The following TULP4 variants were observed in gnomAD, a reference collection of about 807,000 sequenced individuals.
The protein encoded by TULP4 is TUB like protein 4.
Under a neutral mutation model 129.0 loss-of-function variants are expected in TULP4, and 16 were observed. The ratio of observed to expected loss-of-function variants is 0.12; its 90% CI spans 0.08 to 0.19. TULP4 has a LOEUF of 0.19. TULP4 is among the 10% of genes least tolerant of loss of function. The pLI is 1.00. For missense variants in TULP4, 1,842 were observed against 2,059.1 expected (o/e 0.89, Z 2.04); for synonymous variants, 998 against 854.0 (o/e 1.17, Z -2.94).
chr6:158,387,197 C>T (rs753599495), intron 1 of TULP4, among the ~76,000 whole-genome samples: 4 of 152,070 alleles, frequency 2.6e-5, no homozygotes, highest in African/African-American at 4.8e-5. Context: ...TTAAAGCTCT[C>T]AATACAAGCT....
In TULP4 at chr6:158,498,710, A is replaced by G; in HGVS notation, c.1912A>G (p.Met638Val). 1 of 1,614,234 alleles carries G rather than the reference A, an allele frequency of 6.2e-7. No individual in the cohort carries two copies. The highest frequency in any genetic ancestry group is 1.1e-5 in the South Asian group (1 of 91,090). ...TSLLHLQPRQ[M>V]TIYLPEVRKI... ...CCTCCTGCATCTCCAGCCGCGGCAGATGACCATTTATCTCCCAGAAGTTCG... is the reference window on the plus strand; with the variant it reads ...CCTCCTGCATCTCCAGCCGCGGCAGGTGACCATTTATCTCCCAGAAGTTCG... The change falls in exon 12 of 14, where the codon ATG becomes GTG. Residue 638 changes from methionine (M) to valine (V), a missense_variant. Physicochemically the swap from Met to Val is conservative, Grantham distance 21. Transcript: ENST00000367097.
chr6:158,385,723 G>GC (rs1777426193), intron 1 of TULP4, among the ~76,000 whole-genome samples: 1 of 141,904 alleles, frequency 7.0e-6, no homozygotes, highest in African/African-American at 2.6e-5. Flanking sequence ...AGTTTCCTGG[G>GC]TTTTTTTTTT....
intron 8 of TULP4, among the ~76,000 whole-genome samples, chr6:158,487,766 AAC>A (rs1298733570): frequency 6.6e-6 from 1 of 152,260 alleles, no homozygotes; most frequent in African/African-American, 2.4e-5. Flanking sequence ...GTGGAATTGT[AAC>A]ACTGAACAAG....
Position 158,503,480 on chromosome 6 carries a change from C to G in TULP4, c.3817C>G (p.Gln1273Glu). 6.2e-7 allele frequency: 1 copy of G among 1,613,946 alleles called. No homozygotes were observed. The highest frequency in any genetic ancestry group is 8.5e-7 in the Non-Finnish European group (1 of 1,179,986). Residue 1273 changes from glutamine (Q) to glutamate (E), a missense_variant, in exon 13 of 14, where the codon CAG becomes GAG. Gln to Glu is a conservative substitution (Grantham distance 29). Transcript: ENST00000367097. This position sits in a 1 kb window ranked among gnomAD's most constrained non-coding sequence, Gnocchi z 4.3. Reference sequence around the variant, plus strand: ...TTCCTACAGCGCCTGCCCGCCCATGCAGAACCCCCAGGGCACTCTCCCCCC... The same window carrying G: ...TTCCTACAGCGCCTGCCCGCCCATGGAGAACCCCCAGGGCACTCTCCCCCC... ...WSSYSACPPM[Q>E]NPQGTLPPKP...
chr6:158,239,629 G>A (rs1583664758), intron 1 of TULP4, among the ~76,000 whole-genome samples: 5 of 65,744 alleles, frequency 7.6e-5, no homozygotes, highest in South Asian at 5.4e-4. Context: ...GCGGCTGGCC[G>A]GGTGGGGGGC....
rs191038324 is a variant in TULP4 at position 158,242,567 on chromosome 6, A to G, written n.68+10264A>G. 1.3e-4 allele frequency: 96 copies of G among 736,898 alleles called. No homozygotes were observed. The African/African-American group carries it at 1.4e-3, about 10-fold the overall frequency. The allele number at this position is 736,898 out of a possible 1,614,324, so 45.6% of individuals were successfully genotyped here. A position where few individuals can be genotyped will look rare whatever the true frequency, so the allele number is the denominator to read the frequency against. On this transcript the variant is annotated intron_variant and non_coding_transcript_variant, in intron 1 of 1. Transcript: ENST00000620026. ...CAATTCTGTTGAGCCTGTACTCGCA[A>G]TATGCCTTTTCAAAGGAGAGAGAGT...
intron 1 of TULP4, among the ~76,000 whole-genome samples, chr6:158,241,728 G>A (rs1051135390): frequency 6.6e-6 from 1 of 152,084 alleles, no homozygotes; most frequent in African/African-American, 2.4e-5. Flanking sequence ...CCGAGTAGCC[G>A]GGACTACAGG....
At position 158,452,201 on chromosome 6, in the gene TULP4, G is replaced by A. The variant is rs139615407; in HGVS notation, c.792G>A (p.Ser264=). The A allele has an allele frequency of 1.5e-4, 241 of 1,614,112 alleles. 3 individuals carry two copies. In the South Asian group the frequency reaches 2.0e-3, roughly 13 times the overall value. The change falls in exon 5 of 14, where the codon TCG becomes TCA. Residue 264 remains serine (S), a synonymous_variant. Transcript: ENST00000367097. ...IKPLLTVSFT[S]GDISLMNNYD... ...CTCTGCTCACCGTCAGCTTCACCTC[G>A]GGAGACATCAGCTTAATGAACAACT...
At chr6:158,380,836 G>A (rs1248028725) in intron 1 of TULP4, among the ~76,000 whole-genome samples, 2 of 146,882 alleles carry the variant, frequency 1.4e-5, no homozygotes, top group Non-Finnish European at 3.0e-5. Flanking sequence ...AGAGGTTGCA[G>A]TGAGCCGAGA....
upstream of TULP4, among the ~76,000 whole-genome samples, chr6:158,309,005 G>A (rs1378633999): frequency 7.8e-4 from 112 of 144,496 alleles, 1 homozygote; most frequent in East Asian, 1.3e-3. Context: ...CCTCCCTCCC[G>A]GACAGGGCGG....
At chr6:158,366,488 C>T (rs924008719) in intron 1 of TULP4, among the ~76,000 whole-genome samples, 4 of 152,172 alleles carry the variant, frequency 2.6e-5, no homozygotes, top group Admixed American at 6.5e-5. Flanking sequence ...CCATAGCCTC[C>T]GGTAGTGGCC....
chr6:158,281,564 G>A (rs1020884904), upstream of TULP4, among the ~76,000 whole-genome samples: 4 of 152,190 alleles, frequency 2.6e-5, no homozygotes, highest in Non-Finnish European at 4.4e-5. Context: ...CAGCGAAGCA[G>A]GGAGGTGGGT....
At chr6:158,504,373 G>A (rs1027014264) in intron 13 of TULP4, among the ~76,000 whole-genome samples, 195 bp downstream of exon 13, 18 of 151,036 alleles carry the variant, frequency 1.2e-4, no homozygotes, top group African/African-American at 3.7e-4. Context: ...TTTTGAGACC[G>A]TCTCGCTCTG....
At chr6:158,382,120 C>T (rs1400671805) in intron 1 of TULP4, among the ~76,000 whole-genome samples, 4 of 152,048 alleles carry the variant, frequency 2.6e-5, no homozygotes, top group Non-Finnish European at 5.9e-5. Flanking sequence ...ATGATGGTCT[C>T]CCAGAGGAGT....
intron 1 of TULP4, among the ~76,000 whole-genome samples, chr6:158,362,051 T>C (rs762167260): frequency 2.5e-4 from 38 of 152,182 alleles, no homozygotes; most frequent in Non-Finnish European, 4.9e-4. Flanking sequence ...ATTACTTTTA[T>C]TGGATTCTAC....
In TULP4 at chr6:158,488,407, C is replaced by A. The variant is rs78170934; in HGVS notation, c.1487-1181C>A. On this transcript the variant is annotated intron_variant, in intron 8 of 13. Coordinates refer to ENST00000367097, the MANE Select transcript of TULP4 (RefSeq NM_020245.5). ...ACCACTGTGGCTTCACTGTGGCTTTCGCTGGGTCCAGGCGTCGAGCCTCCT... is the reference window on the plus strand; with the variant it reads ...ACCACTGTGGCTTCACTGTGGCTTTAGCTGGGTCCAGGCGTCGAGCCTCCT... Among the ~76,000 whole-genome samples the A allele has an allele frequency of 4.6e-5, 7 of 152,258 alleles. No individual in the cohort carries two copies. In the East Asian group the frequency reaches 1.4e-3, roughly 29 times the overall value.
At chr6:158,289,809 A>G (rs1383560311) in intron 1 of TULP4, among the ~76,000 whole-genome samples, 1 of 150,646 alleles carries the variant, frequency 6.6e-6, no homozygotes, top group African/African-American at 2.4e-5. Context: ...TTGAACTCCT[A>G]GGTTCAAGCA....
At chr6:158,305,324 CGTGTGT>C (rs34836137) in intron 1 of TULP4, among the ~76,000 whole-genome samples, 2,413 of 141,832 alleles carry the variant, frequency 0.017, 43 homozygotes, top group African/African-American at 0.049. Context: ...ATTCTGTGTG[CGTGTGT>C]GTGTGTGTGT....
chr6:158,350,918 T>C (rs1028102198), intron 1 of TULP4, among the ~76,000 whole-genome samples: 1 of 152,016 alleles, frequency 6.6e-6, no homozygotes, highest in Admixed American at 6.6e-5. Context: ...CACTGCTGGC[T>C]AACTTTTGTA....
Sources: gnomAD v4.1 joint callset for allele counts (sites outside exome capture counted in the v4.1 genomes callset) on GRCh38, gnomAD v4.1.1 for gene constraint, Gnocchi (gnomAD v3.1) non-coding constraint, MANE v1.5 for transcripts, NCBI Gene and HGNC (gene_info 2026-07-23, HGNC 2026-07-21) for gene names.